The following BRF1 variants were observed in gnomAD, a reference collection of about 807,000 sequenced individuals.
BRF1 encodes the protein BRF1 general transcription factor IIIB subunit, also known as transcription factor IIIB 90 kDa subunit.
BRF1 carries 59 observed loss-of-function variants against 81.7 expected under a neutral mutation model. The observed-to-expected ratio is 0.72, with a 90% CI of 0.59 to 0.90. The LOEUF (loss-of-function observed/expected upper bound fraction) is 0.90, where lower values mean the gene tolerates loss of function less well. BRF1 is among the 40% of genes least tolerant of loss of function. The probability of loss-of-function intolerance (pLI) is 0.00; values close to 1 mark genes in which losing one functional copy is unlikely to be tolerated. For missense variants in BRF1, 1,050 were observed against 936.3 expected (o/e 1.12, Z -1.58); for synonymous variants, 491 against 395.6 (o/e 1.24, Z -2.86).
In BRF1 at chr14:105,211,165, G is replaced by GTCCTCCTCGTCAGGC. The variant is rs776899977; in HGVS notation, c.1938_1952dup (p.Glu646_Glu650dup). 8 of 1,612,360 alleles carry GTCCTCCTCGTCAGGC rather than the reference G, an allele frequency of 5.0e-6. No homozygotes were observed. The Admixed American group carries it at 5.0e-5, about 10-fold the overall frequency. ...GCAGGGCACTGACGCAGGGCTCCCC[G>GTCCTCCTCGTCAGGC]TCCTCCTCGTCAGGCTCCTCCTCGT... On this transcript the variant is annotated inframe_insertion, in exon 17 of 18. Transcript: ENST00000547530.
upstream of BRF1, among the ~76,000 whole-genome samples, chr14:105,302,204 CTTT>C (rs1274491955): frequency 2.3e-5 from 3 of 132,766 alleles, no homozygotes; most frequent in African/African-American, 2.7e-5. Context: ...TTTTTTCTTT[CTTT>C]TTTTTTTTTT....
At chr14:105,222,251 A>AT (rs1892397105) in intron 10 of BRF1, 1 of 236,398 alleles carries the variant, frequency 4.2e-6, no homozygotes, top group Non-Finnish European at 8.1e-6. Flanking sequence ...TTTCCAAAAA[A>AT]TTAAGAACTG....
At position 105,226,155 on chromosome 14, in the gene BRF1, A is replaced by G; in HGVS notation, c.962T>C (p.Ile321Thr). The part of the protein sequence containing the change: ...SKKLEEVEGE[I>T]SSYQDAIEIE... ...CTCAATTGCATCCTGGTAACTGGAT[A>G]TTTCACCTGAAGTCATAAGTTAAAA... Residue 321 changes from isoleucine (I) to threonine (T), a missense_variant, in exon 10 of 18, where the codon ATA (isoleucine) becomes ACA (threonine). By Grantham distance (89) the Ile-to-Thr change is moderately conservative. Transcript: ENST00000547530. 1 of 1,613,974 alleles carries G rather than the reference A, an allele frequency of 6.2e-7. No individual in the cohort carries two copies. Among genetic ancestry groups the G allele is most frequent in the Non-Finnish European group, 8.5e-7 (1 of 1,180,010 alleles).
intron 5 of BRF1, among the ~76,000 whole-genome samples, chr14:105,246,393 T>C (rs975656921): frequency 2.6e-5 from 4 of 151,280 alleles, no homozygotes; most frequent in Non-Finnish European, 2.9e-5. Flanking sequence ...CAAAAAAGAA[T>C]AGGCTGGGCG....
intron 5 of BRF1, chr14:105,249,080 C>A: frequency 7.1e-7 from 1 of 1,418,368 alleles, no homozygotes; most frequent in Non-Finnish European, 9.1e-7. Context: ...CCACGCTGCG[C>A]GAGAGGTGAG....
At chr14:105,250,556 G>A (rs774378253) in intron 5 of BRF1, 2 of 1,614,096 alleles carry the variant, frequency 1.2e-6, no homozygotes, top group Non-Finnish European at 1.7e-6. Flanking sequence ...TGGGCAGGAG[G>A]GGATGACGGA....
At chr14:105,246,202 G>A (rs974411501) in intron 5 of BRF1, among the ~76,000 whole-genome samples, 1 of 150,626 alleles carries the variant, frequency 6.6e-6, no homozygotes, top group Non-Finnish European at 1.5e-5. Context: ...CCTGGGCAAC[G>A]GAGTAAGACT....
chr14:105,215,096 A>C (rs587705342), intron 15 of BRF1, among the ~76,000 whole-genome samples: 1 of 152,238 alleles, frequency 6.6e-6, no homozygotes, highest in African/African-American at 2.4e-5. Context: ...GATCATGGCC[A>C]TGTTGGGGGG....
chr14:105,210,437 G>A lies in BRF1; in HGVS notation c.*114C>T. 8.4e-7 allele frequency: 1 copy of A among 1,192,628 alleles called. No individual in the cohort carries two copies. The highest frequency in any genetic ancestry group is 1.2e-6 in the Non-Finnish European group (1 of 838,746). 73.9% of individuals were successfully genotyped at this position (1,192,628 alleles called of 1,614,324 possible). On this transcript the variant is annotated 3_prime_UTR_variant, in exon 18 of 18. Transcript: ENST00000547530. This position sits in a 1 kb window ranked among gnomAD's most constrained non-coding sequence, Gnocchi z 4.7. ...GAGGGCTGTGGGACAGGTGCCACCT[G>A]TCACCAGGAGTCTCGGCGCTGGGGC...
chr14:105,249,906 C>T, intron 5 of BRF1: 2 of 1,611,278 alleles, frequency 1.2e-6, no homozygotes. Context: ...GACCGGCAGA[C>T]GCTGGAGATC....
Position 105,219,387 on chromosome 14 carries a change from G to A in BRF1, c.1378-155C>T, listed in dbSNP as rs587759917. On this transcript the variant is annotated intron_variant, in intron 12 of 17. Coordinates refer to ENST00000547530, the MANE Select transcript of BRF1 (RefSeq NM_001519.4). ...GCGGAGCCTGGGCTGAGGCCTCATC[G>A]CGCGGGGCGAGTTGGGGACCTGTTG... 93 of 1,441,734 alleles carry A rather than the reference G, an allele frequency of 6.5e-5. No individual in the cohort carries two copies. The African/African-American group carries it at 8.7e-4, about 13-fold the overall frequency. 89.3% of individuals were successfully genotyped at this position (1,441,734 alleles called of 1,614,324 possible). A position where few individuals can be genotyped will look rare whatever the true frequency, so the allele number is the denominator to read the frequency against.
At chr14:105,212,547 C>T (rs1388705196) in intron 15 of BRF1, 11 of 231,198 alleles carry the variant, frequency 4.8e-5, no homozygotes, top group South Asian at 6.7e-5. Flanking sequence ...CCAACCCTCA[C>T]CAGGCCCAGG....
chr14:105,296,423 G>A (rs977945148), intron 1 of BRF1, among the ~76,000 whole-genome samples: 2 of 151,992 alleles, frequency 1.3e-5, no homozygotes, highest in Non-Finnish European at 2.9e-5. Context: ...TCAGGCAGGA[G>A]AATGGCATGA....
intron 1 of BRF1, among the ~76,000 whole-genome samples, chr14:105,306,291 GT>G (rs1252724050): frequency 1.4e-5 from 2 of 146,630 alleles, no homozygotes; most frequent in Non-Finnish European, 2.9e-5. Context: ...TTTTGGGTTT[GT>G]TTTGTTTTGT....
In BRF1 at chr14:105,268,858, A is replaced by G. The variant is rs587740686; in HGVS notation, c.439+3863T>C. 1.1e-4 allele frequency among the ~76,000 whole-genome samples: 16 copies of G among 152,312 alleles called. No individual in the cohort carries two copies. In the East Asian group the frequency reaches 1.7e-3, roughly 17 times the overall value. ...AGAAGGTGACGGGAGCTGTGCAGGC[A>G]GCAGGGCTGGGCCAAGCAGCCCTGT... is the stretch of plus-strand genomic sequence containing the variant. On this transcript the variant is annotated intron_variant, in intron 3 of 17. Coordinates refer to ENST00000547530, the MANE Select transcript of BRF1 (RefSeq NM_001519.4).
At position 105,256,152 on chromosome 14, in the gene BRF1, G is replaced by A. The variant is rs1446895920; in HGVS notation, c.471+366C>T. The A allele has an allele frequency of 2.1e-6, 3 of 1,459,896 alleles. No individual in the cohort carries two copies. The African/African-American group carries it at 4.3e-5, about 21-fold the overall frequency. 90.4% of individuals were successfully genotyped at this position (1,459,896 alleles called of 1,614,324 possible). A position where few individuals can be genotyped will look rare whatever the true frequency, so the allele number is the denominator to read the frequency against. On this transcript the variant is annotated intron_variant, in intron 4 of 17. Coordinates refer to ENST00000547530, the MANE Select transcript of BRF1 (RefSeq NM_001519.4). The stretch of plus-strand genomic sequence containing the variant: ...AAATAAATAAATAAATAAAATGCAA[G>A]GTCAAAAGAAATAATCTCCTATACC...
At chr14:105,212,417 C>G (rs1890266098) in intron 15 of BRF1, 2 of 480,482 alleles carry the variant, frequency 4.2e-6, no homozygotes. Context: ...ACGCCCCGCT[C>G]CCCAGCCCAC....
chr14:105,211,075 T>C, intron 17 of BRF1, 47 bp downstream of exon 17: 1 of 1,602,246 alleles, frequency 6.2e-7, no homozygotes. Context: ...CAGTAGCTGA[T>C]GCCTTTATTT....
chr14:105,284,868 A>C lies in BRF1; in HGVS notation c.265+1428T>G, dbSNP rs587680940. Among the ~76,000 whole-genome samples, 1 of 152,368 alleles carries C rather than the reference A, an allele frequency of 6.6e-6. No homozygotes were observed. Among genetic ancestry groups the C allele is most frequent in the Non-Finnish European group, 1.5e-5 (1 of 68,036 alleles). ...GATCTTGTACCGAAAATCCTAAGTG[A>C]TCCGCTAAAAAACTATTCAGCATAA... is the stretch of plus-strand genomic sequence containing the variant. On this transcript the variant is annotated intron_variant, in intron 2 of 17. Coordinates refer to ENST00000547530, the MANE Select transcript of BRF1 (RefSeq NM_001519.4). The surrounding 1 kb of genome is among the most constrained non-coding windows in gnomAD (Gnocchi z 4.0).
Sources: allele counts gnomAD v4.1 joint callset (sites outside exome capture counted in the v4.1 genomes callset), GRCh38; gene constraint gnomAD v4.1.1; non-coding constraint Gnocchi (gnomAD v3.1); transcripts MANE v1.5; gene names NCBI Gene and HGNC (gene_info 2026-07-23, HGNC 2026-07-21).